COPG2: variants seen among roughly 807,000 people sequenced by gnomAD.
The protein encoded by COPG2 is coatomer subunit gamma-2.
Under a neutral mutation model 46.3 loss-of-function variants are expected in COPG2, and 37 were observed. That is an observed-to-expected ratio of 0.80 (90% CI 0.61 to 1.05). The LOEUF is 1.05. Among genes scored for constraint, COPG2 ranks in the 50% least tolerant of loss-of-function variants. The pLI is 0.00. For missense variants in COPG2, 427 were observed against 387.8 expected (o/e 1.10, Z -0.85); for synonymous variants, 159 against 129.7 (o/e 1.23, Z -1.53).
At chr7:130,586,697 C>T (rs1463771684) in intron 9 of COPG2, among the ~76,000 whole-genome samples, 6 of 151,860 alleles carry the variant, frequency 4.0e-5, no homozygotes, top group Admixed American at 2.0e-4. Flanking sequence ...CTCCTGACGT[C>T]GTCATCTGCC....
At chr7:130,631,651 C>T (rs944531379) in intron 5 of COPG2, among the ~76,000 whole-genome samples, 2 of 152,184 alleles carry the variant, frequency 1.3e-5, no homozygotes, top group Non-Finnish European at 2.9e-5. Flanking sequence ...AGGATACAAA[C>T]TTTATAGTAA....
At position 130,555,298 on chromosome 7, in the gene COPG2, G is replaced by A. The variant is rs965525912; in HGVS notation, c.1129-166C>T. Reference sequence around the variant, plus strand: ...GTAGTTGCCTAAAATGACAATAATTGTTCTTCATGGAAGATAACCAAGGAG... The same window carrying A: ...GTAGTTGCCTAAAATGACAATAATTATTCTTCATGGAAGATAACCAAGGAG... On this transcript the variant is annotated intron_variant, in intron 12 of 23. Coordinates refer to ENST00000425248, the MANE Select transcript of COPG2 (RefSeq NM_012133.6). Among the ~76,000 whole-genome samples, 679 of 152,226 alleles carry A rather than the reference G, an allele frequency of 4.5e-3. 7 individuals carry two copies. The highest frequency in any genetic ancestry group is 0.016 in the African/African-American group (650 of 41,534).
At chr7:130,586,854 TTC>T (rs1794283450) in intron 9 of COPG2, among the ~76,000 whole-genome samples, 1 of 152,084 alleles carries the variant, frequency 6.6e-6, no homozygotes, top group Non-Finnish European at 1.5e-5. Context: ...CAAAAGTAAC[TTC>T]TTTCAATTCC....
At chr7:130,612,072 G>T in intron 8 of COPG2, 80 bp downstream of exon 8, 1 of 960,988 alleles carries the variant, frequency 1.0e-6, no homozygotes, top group Non-Finnish European at 1.6e-6. Context: ...GTTTATCTAG[G>T]GAATCGATAC....
At chr7:130,665,551 C>T (rs1348007526) in intron 3 of COPG2, among the ~76,000 whole-genome samples, 1 of 151,990 alleles carries the variant, frequency 6.6e-6, no homozygotes, top group Non-Finnish European at 1.5e-5. Context: ...CAATACAGCA[C>T]AACAACTATT....
rs189589841 is a variant in COPG2 at position 130,615,628 on chromosome 7, A to G, written c.399+1362T>C. On this transcript the variant is annotated intron_variant, in intron 6 of 23. Coordinates refer to ENST00000425248, the MANE Select transcript of COPG2 (RefSeq NM_012133.6). ...TTGCAACAGCTAAGTTTTATCTATC[A>G]TCTCTGAGCCTAGAAGTTAGGACTG... Among the ~76,000 whole-genome samples the G allele has an allele frequency of 3.4e-3, 524 of 152,370 alleles. 2 individuals are homozygous for G. Among genetic ancestry groups the G allele is most frequent in the South Asian group, 8.5e-3 (41 of 4,830 alleles).
intron 9 of COPG2, among the ~76,000 whole-genome samples, chr7:130,582,070 G>A (rs1794157573): frequency 6.6e-6 from 1 of 151,854 alleles, no homozygotes; most frequent in South Asian, 2.1e-4. Flanking sequence ...CAAAGCTGGA[G>A]GCATCACACT....
At chr7:130,647,436 C>A (rs78020815) in intron 5 of COPG2, among the ~76,000 whole-genome samples, 1 of 152,116 alleles carries the variant, frequency 6.6e-6, no homozygotes, top group Non-Finnish European at 1.5e-5. Context: ...GAAGAACCCT[C>A]ATAAGGCTGT....
chr7:130,621,166 GA>G (rs1454892795), intron 5 of COPG2, among the ~76,000 whole-genome samples: 10 of 152,186 alleles, frequency 6.6e-5, no homozygotes, highest in Admixed American at 1.3e-4. Context: ...GTAGCCTCCA[GA>G]AGCTAGAAAA....
At chr7:130,661,059 A>G (rs1795968010) in intron 4 of COPG2, among the ~76,000 whole-genome samples, 1 of 152,232 alleles carries the variant, frequency 6.6e-6, no homozygotes, top group Non-Finnish European at 1.5e-5. Context: ...AACATTCACC[A>G]TGTAGCTGGA....
rs1160028427 is a variant in COPG2, at chr7:130,611,019, T to G, written c.671A>C (p.Lys224Thr). 1.9e-6 allele frequency: 3 copies of G among 1,613,842 alleles called. No homozygotes were observed. The African/African-American group carries it at 4.0e-5, about 22-fold the overall frequency. Residue 224 changes from lysine to threonine, a missense_variant, in exon 9 of 24, where the codon AAG (lysine) becomes ACG (threonine). Transcript: ENST00000425248. ...CAGCATGCAGTAAGCAAACTGTGAC[T>G]TGAGACCAGATTTAGTAAACTTATT... ...MLNKFTKSGL[K>T]SQFAYCMLIR...
intron 20 of COPG2, among the ~76,000 whole-genome samples, chr7:130,512,980 T>C (rs1378606457): frequency 6.6e-6 from 1 of 150,624 alleles, no homozygotes; most frequent in African/African-American, 2.4e-5. Context: ...TAGGCTGGAG[T>C]GTGGAATATA....
intron 5 of COPG2, among the ~76,000 whole-genome samples, chr7:130,626,400 ATTTTTTTT>A (rs60484682): frequency 1.7e-5 from 2 of 119,842 alleles, no homozygotes; most frequent in African/African-American, 3.2e-5. Context: ...CACCAGGCTA[ATTTTTTTT>A]TTTTTTTTTT....
At chr7:130,578,460 T>C (rs373919571) in intron 9 of COPG2, among the ~76,000 whole-genome samples, 19 of 151,900 alleles carry the variant, frequency 1.3e-4, no homozygotes, top group East Asian at 3.9e-4. Flanking sequence ...TCCAAAGGAA[T>C]GCAGTTCCTC....
At chr7:130,637,770 G>A (rs1299686213) in intron 5 of COPG2, among the ~76,000 whole-genome samples, 4 of 152,096 alleles carry the variant, frequency 2.6e-5, no homozygotes, top group Non-Finnish European at 5.9e-5. Flanking sequence ...TCCCTTGTTG[G>A]CAAGGAGTTG....
At chr7:130,647,432 C>G (rs1015939171) in intron 5 of COPG2, among the ~76,000 whole-genome samples, 6 of 152,092 alleles carry the variant, frequency 3.9e-5, no homozygotes, top group Non-Finnish European at 8.8e-5. Context: ...TTTTGAAGAA[C>G]CCTCATAAGG....
intron 9 of COPG2, among the ~76,000 whole-genome samples, chr7:130,597,232 T>C (rs1405558202): frequency 6.6e-6 from 1 of 152,196 alleles, no homozygotes; most frequent in Non-Finnish European, 1.5e-5. Flanking sequence ...CCACAGTGCA[T>C]TTCCTACATT....
intron 5 of COPG2, among the ~76,000 whole-genome samples, chr7:130,641,052 A>T (rs2116200847): frequency 6.6e-6 from 1 of 152,126 alleles, no homozygotes; most frequent in Middle Eastern, 3.4e-3. Flanking sequence ...GTGTTAGAAC[A>T]ACCGAGGCTA....
At chr7:130,652,980 AT>A in intron 4 of COPG2, 32 bp from the exon 5 acceptor site, 1 of 1,391,356 alleles carries the variant, frequency 7.2e-7, no homozygotes, top group Non-Finnish European at 1.0e-6. Flanking sequence ...GTAACAGATT[AT>A]TGATTAGGAA....
Sources: gnomAD v4.1 joint callset for allele counts (sites outside exome capture counted in the v4.1 genomes callset) on GRCh38, gnomAD v4.1.1 for gene constraint, MANE v1.5 for transcripts, NCBI Gene and HGNC (gene_info 2026-07-23, HGNC 2026-07-21) for gene names.